Variants in ACTL8 observed in about 807,000 individuals in gnomAD.
The protein encoded by ACTL8 is actin like 8, also known as actin-like protein 8.
A neutral mutation model predicts 9.3 loss-of-function variants in ACTL8; 3 were observed. That is an observed-to-expected ratio of 0.32 (90% CI 0.15 to 0.83). The LOEUF (loss-of-function observed/expected upper bound fraction) is 0.83, where lower values mean the gene tolerates loss of function less well. Ranked by LOEUF, ACTL8 falls within the 40% of genes least tolerant of loss-of-function variation. The pLI is 0.57. For synonymous variants in ACTL8, 224 were observed against 205.9 expected (o/e 1.09, Z -0.75); for missense variants, 381 against 492.2 (o/e 0.77, Z 2.14).
At chr1:17,820,433 T>C (rs2053646563) in intron 1 of ACTL8, among the ~76,000 whole-genome samples, 1 of 152,220 alleles carries the variant, frequency 6.6e-6, no homozygotes, top group Admixed American at 6.5e-5. Flanking sequence ...GTTTCTATTT[T>C]TGGCAGTTAG....
chr1:17,783,020 A>T (rs185130485), intron 1 of ACTL8, among the ~76,000 whole-genome samples: 5 of 152,326 alleles, frequency 3.3e-5, no homozygotes, highest in African/African-American at 1.2e-4. Flanking sequence ...CCAGCTGCTG[A>T]TTGGGCAAAT....
In ACTL8 at chr1:17,823,475, G is replaced by A; in HGVS notation, c.348+119G>A. 2 of 987,902 alleles carry A rather than the reference G, an allele frequency of 2.0e-6. No homozygotes were observed. Among genetic ancestry groups the A allele is most frequent in the Non-Finnish European group, 2.9e-6 (2 of 686,662 alleles). The allele number at this position is 987,902 out of a possible 1,614,324, so 61.2% of individuals were successfully genotyped here. On this transcript the variant is annotated intron_variant, in intron 2 of 2. Transcript: ENST00000375406. This position sits in a 1 kb window ranked among gnomAD's most constrained non-coding sequence, Gnocchi z 5.3. ...GATAAATTGCCAACCAGGTGTGGTG[G>A]CTTATGCCTGTAATCCCAACACTTT...
chr1:17,777,198 T>C (rs777993759), intron 1 of ACTL8, among the ~76,000 whole-genome samples: 8 of 151,922 alleles, frequency 5.3e-5, no homozygotes, highest in Non-Finnish European at 1.2e-4. Context: ...ATGCCAATCA[T>C]GTGTCTATTG....
At chr1:17,765,281 C>T (rs574792360) in intron 1 of ACTL8, among the ~76,000 whole-genome samples, 30 of 152,162 alleles carry the variant, frequency 2.0e-4, no homozygotes, top group Non-Finnish European at 3.4e-4. Flanking sequence ...GTAACCTCCA[C>T]GTGGGCAGGG....
Position 17,823,128 on chromosome 1 carries a change from G to A in ACTL8, c.120G>A (p.Glu40=), listed in dbSNP as rs760784948. 1 of 1,614,118 alleles carries A rather than the reference G, an allele frequency of 6.2e-7. No individual in the cohort carries two copies. Among genetic ancestry groups the A allele is most frequent in the Admixed American group, 1.7e-5 (1 of 60,012 alleles). ...PNIVNYLPCK[E]NPGPSYARRR... ...TCGTGAACTACCTACCGTGCAAGGAGAACCCTGGCCCCAGCTATGCCCGTA... is the reference window on the plus strand; with the variant it reads ...TCGTGAACTACCTACCGTGCAAGGAAAACCCTGGCCCCAGCTATGCCCGTA... Residue 40 remains glutamate (E), a synonymous_variant, in exon 2 of 3, where the codon GAG becomes GAA. Transcript: ENST00000375406. This position sits in a 1 kb window ranked among gnomAD's most constrained non-coding sequence, Gnocchi z 5.3.
chr1:17,808,321 C>T (rs1471082584), intron 1 of ACTL8, among the ~76,000 whole-genome samples: 1 of 152,168 alleles, frequency 6.6e-6, no homozygotes, highest in East Asian at 1.9e-4. Flanking sequence ...CACACTAAGG[C>T]CTCTACCCTT....
chr1:17,820,905 C>T (rs912817261), intron 1 of ACTL8, among the ~76,000 whole-genome samples: 1 of 152,158 alleles, frequency 6.6e-6, no homozygotes, highest in African/African-American at 2.4e-5. Flanking sequence ...TTGCCATTCC[C>T]ACCAGCTGTG....
chr1:17,777,793 A>G (rs1184854065), intron 1 of ACTL8, among the ~76,000 whole-genome samples: 1 of 152,104 alleles, frequency 6.6e-6, no homozygotes, highest in Non-Finnish European at 1.5e-5. Context: ...CCGCCTCTGG[A>G]GTTCAAGCGA....
At chr1:17,772,013 G>A (rs1186271452) in intron 1 of ACTL8, among the ~76,000 whole-genome samples, 2 of 152,196 alleles carry the variant, frequency 1.3e-5, no homozygotes, top group East Asian at 3.9e-4. Flanking sequence ...ACAGAAAGCA[G>A]GAGAACAGGG....
chr1:17,794,590 A>C (rs1218324702), intron 1 of ACTL8, among the ~76,000 whole-genome samples: 1 of 152,226 alleles, frequency 6.6e-6, no homozygotes, highest in Non-Finnish European at 1.5e-5. Flanking sequence ...GAAATTGCTC[A>C]AAGTATATAG....
chr1:17,782,096 A>G (rs2066159189), intron 1 of ACTL8, among the ~76,000 whole-genome samples: 1 of 152,092 alleles, frequency 6.6e-6, no homozygotes, highest in South Asian at 2.1e-4. Context: ...ATGAACACAC[A>G]CACCTTTGGT....
At chr1:17,776,584 G>T (rs950378936) in intron 1 of ACTL8, among the ~76,000 whole-genome samples, 7 of 152,174 alleles carry the variant, frequency 4.6e-5, no homozygotes, top group African/African-American at 1.7e-4. Flanking sequence ...CCACTCTGCC[G>T]TCGTCCCTTC....
Position 17,767,430 on chromosome 1 carries a change from T to C in ACTL8, c.-25+11926T>C, listed in dbSNP as rs2066052308. On this transcript the variant is annotated intron_variant, in intron 1 of 2. Coordinates refer to ENST00000375406, the MANE Select transcript of ACTL8 (RefSeq NM_030812.3). The surrounding 1 kb of genome is among the most constrained non-coding windows in gnomAD (Gnocchi z 4.7). Reference sequence around the variant, plus strand: ...CTCAGGGTGCTTCTAAAGAGTCTCTTCTTAGATATCGCTCTCTTCCCTTTC... The same window carrying C: ...CTCAGGGTGCTTCTAAAGAGTCTCTCCTTAGATATCGCTCTCTTCCCTTTC... 6.6e-6 allele frequency among the ~76,000 whole-genome samples: 1 copy of C among 152,084 alleles called. No individual in the cohort carries two copies. The highest frequency in any genetic ancestry group is 6.5e-5 in the Admixed American group (1 of 15,270).
At chr1:17,755,560 T>G (rs912023385) in intron 1 of ACTL8, 56 bp downstream of exon 1, 9 of 151,540 alleles carry the variant, frequency 5.9e-5, no homozygotes, top group Admixed American at 3.3e-4. Flanking sequence ...CTGACTGTTT[T>G]TTTTTTTTTT....
intron 1 of ACTL8, among the ~76,000 whole-genome samples, chr1:17,783,364 T>TA (rs75523851): frequency 7.1e-6 from 1 of 141,586 alleles, no homozygotes; most frequent in East Asian, 2.5e-4. Context: ...TTTTTTTTTT[T>TA]AAAAAAACTC....
At position 17,825,871 on chromosome 1, in the gene ACTL8, C is replaced by T; in HGVS notation, c.453C>T (p.Gly151=). 1 of 1,614,000 alleles carries T rather than the reference C, an allele frequency of 6.2e-7. No individual in the cohort carries two copies. The highest frequency in any genetic ancestry group is 1.1e-5 in the South Asian group (1 of 91,090). ...TGACCGGAGTGGTGGTTGATTCTGGCTATGGCCTGACCCGCGTGCAGCCTT... is the reference window on the plus strand; with the variant it reads ...TGACCGGAGTGGTGGTTGATTCTGGTTATGGCCTGACCCGCGTGCAGCCTT... ...GLLTGVVVDS[G]YGLTRVQPFH... The change falls in exon 3 of 3, where the codon GGC becomes GGT. Residue 151 remains glycine (G), a synonymous_variant. Coordinates refer to ENST00000375406, the MANE Select transcript of ACTL8 (RefSeq NM_030812.3).
chr1:17,821,229 C>T (rs1020586084), intron 1 of ACTL8, among the ~76,000 whole-genome samples: 1 of 151,928 alleles, frequency 6.6e-6, no homozygotes, highest in African/African-American at 2.4e-5. Context: ...CTTGTCTTTT[C>T]ATTCTCTTTG....
intron 1 of ACTL8, among the ~76,000 whole-genome samples, chr1:17,772,126 T>G (rs765556745): frequency 6.6e-6 from 1 of 152,184 alleles, no homozygotes; most frequent in Non-Finnish European, 1.5e-5. Flanking sequence ...GGGTGTAGTC[T>G]TCCGTGTTCA....
chr1:17,781,692 G>A (rs546313447), intron 1 of ACTL8, among the ~76,000 whole-genome samples: 148 of 152,206 alleles, frequency 9.7e-4, no homozygotes, highest in Middle Eastern at 6.8e-3. Context: ...GAATTTTGGG[G>A]GACATGATTC....
Sources: allele counts gnomAD v4.1 joint callset (sites outside exome capture counted in the v4.1 genomes callset), GRCh38; gene constraint gnomAD v4.1.1; non-coding constraint Gnocchi (gnomAD v3.1); transcripts MANE v1.5; gene names NCBI Gene and HGNC (gene_info 2026-07-23, HGNC 2026-07-21).